The following DHX9 variants were observed in gnomAD, a reference collection of about 807,000 sequenced individuals.
DHX9 encodes DExH-box helicase 9.
In DHX9, 27 loss-of-function variants were observed where a neutral mutation model predicts 148.7. The ratio of observed to expected loss-of-function variants is 0.18; its 90% CI spans 0.13 to 0.25. The LOEUF is 0.25. Among genes scored for constraint, DHX9 ranks in the 10% least tolerant of loss-of-function variants. The pLI, the probability that DHX9 is intolerant of heterozygous loss-of-function variation, is 1.00. For synonymous variants in DHX9, 529 were observed against 516.6 expected, an observed-to-expected ratio of 1.02 and a Z score of -0.33; for missense variants, 796 against 1,559.6, an observed-to-expected ratio of 0.51 and a Z score of 8.25.
intron 3 of DHX9, among the ~76,000 whole-genome samples, chr1:182,850,710 C>T (rs1397192822): frequency 6.6e-6 from 1 of 151,970 alleles, no homozygotes; most frequent in Non-Finnish European, 1.5e-5. Flanking sequence ...TAGATAGTTA[C>T]ATGTGTATTT....
rs187855195 is a variant in DHX9 at position 182,881,887 on chromosome 1, T to G, written c.2914+240T>G. Among the ~76,000 whole-genome samples the G allele has an allele frequency of 2.7e-3, 410 of 152,344 alleles. 2 individuals are homozygous for G. Among genetic ancestry groups the G allele is most frequent in the African/African-American group, 9.2e-3 (381 of 41,574 alleles). On this transcript the variant is annotated intron_variant, in intron 24 of 27. Coordinates refer to ENST00000367549, the MANE Select transcript of DHX9 (RefSeq NM_001357.5). ...TAGACTTGAAGTAAATTCTACCACATTAAATTTTAAATGACTTTAATTTAT... is the reference window on the plus strand; with the variant it reads ...TAGACTTGAAGTAAATTCTACCACAGTAAATTTTAAATGACTTTAATTTAT...
intron 23 of DHX9, 33 bp from the exon 24 acceptor site, chr1:182,881,487 T>TA (rs1649083675): frequency 6.2e-7 from 1 of 1,608,262 alleles, no homozygotes; most frequent in South Asian, 1.1e-5. Context: ...TCTCTGGTCT[T>TA]AGAGAATGAT....
At chr1:182,868,745 A>C (rs1295229469) in intron 14 of DHX9, among the ~76,000 whole-genome samples, 1 of 151,950 alleles carries the variant, frequency 6.6e-6, no homozygotes, top group Admixed American at 6.6e-5. Flanking sequence ...TCAAACTCCT[A>C]ACTTCAGGTG....
At chr1:182,884,946 A>G (rs1204254906) in intron 27 of DHX9, 133 bp downstream of exon 27, 13 of 768,024 alleles carry the variant, frequency 1.7e-5, no homozygotes, top group Non-Finnish European at 2.7e-5. Context: ...CTATATAGAT[A>G]GAGAGTTTGA....
intron 14 of DHX9, among the ~76,000 whole-genome samples, chr1:182,871,178 A>G (rs1377065366): frequency 6.6e-6 from 1 of 152,238 alleles, no homozygotes; most frequent in Non-Finnish European, 1.5e-5. Context: ...TATATAAGCA[A>G]CTTCTACAAA....
intron 14 of DHX9, among the ~76,000 whole-genome samples, chr1:182,868,519 C>CTTTTTTTTTTTTTTT (rs1557974014): frequency 2.5e-5 from 3 of 118,698 alleles, no homozygotes; most frequent in African/African-American, 1.6e-4. Flanking sequence ...TATTTTAATT[C>CTTTTTTTTTTTTTTT]CTTTTTTTTT....
At chr1:182,841,770 T>C (rs1397205851) in intron 1 of DHX9, among the ~76,000 whole-genome samples, 1 of 152,240 alleles carries the variant, frequency 6.6e-6, no homozygotes, top group African/African-American at 2.4e-5. Context: ...CAGTTTAGAC[T>C]CAGCATTTAG....
chr1:182,853,012 C>T (rs934548337), intron 4 of DHX9, among the ~76,000 whole-genome samples: 3 of 151,944 alleles, frequency 2.0e-5, no homozygotes, highest in African/African-American at 7.3e-5. Flanking sequence ...CTGCAACCTC[C>T]ACCTCCCAGG....
intron 12 of DHX9, among the ~76,000 whole-genome samples, chr1:182,865,491 C>T (rs1353189226): frequency 6.6e-6 from 1 of 152,144 alleles, no homozygotes; most frequent in Non-Finnish European, 1.5e-5. Context: ...TGGAAAAATC[C>T]TTATCCATTG....
intron 7 of DHX9, among the ~76,000 whole-genome samples, chr1:182,857,864 A>G (rs1353415139): frequency 6.6e-6 from 1 of 152,190 alleles, no homozygotes; most frequent in Non-Finnish European, 1.5e-5. Flanking sequence ...CTTTCATAAT[A>G]TTGATTTGTA....
chr1:182,847,461 C>T (rs982736403), intron 3 of DHX9, among the ~76,000 whole-genome samples: 1 of 152,142 alleles, frequency 6.6e-6, no homozygotes, highest in Non-Finnish European at 1.5e-5. Context: ...CAGATCTCAC[C>T]TCAGTTTTCT....
Position 182,880,518 on chromosome 1 carries a change from A to G in DHX9, c.2534A>G (p.Asn845Ser). ...ACAGAGCTTGATGCATTAGATGCCA[A>G]TGATGAGTTGACTCCTTTGGGACGA... ...TLRELDALDA[N>S]DELTPLGRIL... Residue 845 changes from asparagine (N) to serine (S), a missense_variant, in exon 22 of 28, where the codon AAT (asparagine) becomes AGT (serine). By Grantham distance (46) the Asn-to-Ser change is conservative (BLOSUM62 1). Transcript: ENST00000367549. 12 of 1,613,444 alleles carry G rather than the reference A, an allele frequency of 7.4e-6. No homozygotes were observed. The highest frequency in any genetic ancestry group is 1.0e-5 in the Non-Finnish European group (12 of 1,179,430).
At chr1:182,851,040 T>C (rs905822219) in intron 3 of DHX9, among the ~76,000 whole-genome samples, 1 of 152,158 alleles carries the variant, frequency 6.6e-6, no homozygotes, top group Non-Finnish European at 1.5e-5. Context: ...GAGGACAAGT[T>C]AGCATTGTGG....
At chr1:182,857,427 C>G (rs1322535113) in intron 7 of DHX9, among the ~76,000 whole-genome samples, 2 of 152,184 alleles carry the variant, frequency 1.3e-5, no homozygotes, top group Non-Finnish European at 2.9e-5. Context: ...CAAACTATAG[C>G]CCTCTGGCCA....
chr1:182,886,122 ATAG>A (rs1649311849), intron 27 of DHX9, among the ~76,000 whole-genome samples: 1 of 152,154 alleles, frequency 6.6e-6, no homozygotes, highest in Non-Finnish European at 1.5e-5. Flanking sequence ...CTAAAATGGA[ATAG>A]TGCAATGAAA....
intron 12 of DHX9, among the ~76,000 whole-genome samples, chr1:182,861,555 C>G (rs774159093): frequency 4.2e-4 from 64 of 152,300 alleles, no homozygotes; most frequent in Admixed American, 3.1e-3. Flanking sequence ...TTTCTAATCT[C>G]AAAAGCAGTT....
At position 182,860,101 on chromosome 1, in the gene DHX9, A is replaced by T; in HGVS notation, c.1249A>T (p.Lys417Ter). The part of the protein sequence containing the change: ...VIIRGATGCG[K>*]TTQVPQFILD... The stretch of plus-strand genomic sequence containing the variant: ...TATTAGAGGGGCTACTGGATGTGGG[A>T]AAACCACACAGGTTCCCCAGTTCAT... The change falls in exon 12 of 28, where the codon AAA (lysine) becomes TAA (stop). Residue 417 changes from lysine to a stop codon, truncating the protein, a stop_gained. Transcript: ENST00000367549. LOFTEE classifies it high-confidence loss of function. 1 of 1,613,984 alleles carries T rather than the reference A, an allele frequency of 6.2e-7. No homozygotes were observed. The highest frequency in any genetic ancestry group is 8.5e-7 in the Non-Finnish European group (1 of 1,179,944).
intron 6 of DHX9, chr1:182,855,692 C>G: frequency 1.0e-6 from 1 of 985,346 alleles, no homozygotes; most frequent in Non-Finnish European, 1.2e-6. Context: ...GCCTTTGACC[C>G]CTGAAGCCGC....
chr1:182,885,280 T>G (rs528111785), intron 27 of DHX9, among the ~76,000 whole-genome samples: 2 of 152,234 alleles, frequency 1.3e-5, no homozygotes, highest in African/African-American at 4.8e-5. Context: ...CTTAAAATTT[T>G]TATTTGCTTC....
Sources: gnomAD v4.1 joint callset for allele counts (sites outside exome capture counted in the v4.1 genomes callset) on GRCh38, gnomAD v4.1.1 for gene constraint, MANE v1.5 for transcripts, NCBI Gene and HGNC (gene_info 2026-07-23, HGNC 2026-07-21) for gene names.